Variants in DCC observed in about 807,000 individuals in gnomAD.
DCC encodes netrin receptor DCC.
Under a neutral mutation model 172.5 loss-of-function variants are expected in DCC, and 58 were observed. The ratio of observed to expected loss-of-function variants is 0.34; its 90% CI spans 0.27 to 0.42. The LOEUF is 0.42. Ranked by LOEUF, DCC falls within the 10% of genes least tolerant of loss-of-function variation. DCC has a pLI of 1.00. For missense variants in DCC, 1,740 were observed against 1,791.0 expected (o/e 0.97, Z 0.51); for synonymous variants, 709 against 644.5 (o/e 1.10, Z -1.52).
At chr18:52,932,309 C>T (rs1460987467) in intron 5 of DCC, among the ~76,000 whole-genome samples, 1 of 152,158 alleles carries the variant, frequency 6.6e-6, no homozygotes, top group Admixed American at 6.6e-5. Flanking sequence ...CCCAGCTCCA[C>T]ACAGGAAGAA....
At chr18:52,970,727 T>G (rs930947393) in intron 5 of DCC, among the ~76,000 whole-genome samples, 3 of 152,148 alleles carry the variant, frequency 2.0e-5, no homozygotes, top group Non-Finnish European at 4.4e-5. Context: ...ATAATTCCCT[T>G]TGGTATGCCA....
intron 1 of DCC, among the ~76,000 whole-genome samples, chr18:52,515,824 G>A (rs1175124072): frequency 6.7e-6 from 1 of 148,764 alleles, no homozygotes; most frequent in African/African-American, 2.5e-5. Flanking sequence ...CTACAGACTA[G>A]GAGAAAATGT....
chr18:53,130,092 C>T (rs1019164350), intron 7 of DCC, among the ~76,000 whole-genome samples: 4 of 151,992 alleles, frequency 2.6e-5, no homozygotes, highest in Non-Finnish European at 5.9e-5. Flanking sequence ...TTACTTTTTG[C>T]TTGTCTATTT....
At chr18:52,883,779 T>C (rs1460181726) in intron 2 of DCC, among the ~76,000 whole-genome samples, 1 of 152,068 alleles carries the variant, frequency 6.6e-6, no homozygotes, top group Non-Finnish European at 1.5e-5. Context: ...TGTTTTTCTG[T>C]GTGCTATTAT....
chr18:52,385,618 T>C (rs1985766868), intron 1 of DCC, among the ~76,000 whole-genome samples: 1 of 151,928 alleles, frequency 6.6e-6, no homozygotes, highest in African/African-American at 2.4e-5. Flanking sequence ...TGATTCTATA[T>C]AACCAATTGA....
intron 1 of DCC, among the ~76,000 whole-genome samples, chr18:52,496,762 G>A (rs1192251028): frequency 1.3e-5 from 2 of 151,922 alleles, no homozygotes; most frequent in African/African-American, 4.8e-5. Context: ...TAGCCTTTGG[G>A]GCTTTGACAG....
At chr18:53,009,440 G>A (rs1279256796) in intron 5 of DCC, among the ~76,000 whole-genome samples, 4 of 151,898 alleles carry the variant, frequency 2.6e-5, no homozygotes, top group South Asian at 2.1e-4. Context: ...CACTAAAACT[G>A]TGTCACTAAG....
At chr18:53,060,711 A>G (rs892109987) in intron 5 of DCC, among the ~76,000 whole-genome samples, 5 of 152,150 alleles carry the variant, frequency 3.3e-5, no homozygotes, top group African/African-American at 9.7e-5. Flanking sequence ...GGGATTCACT[A>G]CGTGATCAGC....
intron 7 of DCC, among the ~76,000 whole-genome samples, chr18:53,144,066 C>G (rs1318462502): frequency 6.6e-6 from 1 of 152,100 alleles, no homozygotes; most frequent in African/African-American, 2.4e-5. Context: ...CTATTATCAT[C>G]TTTTCTAACT....
chr18:52,482,460 T>C (rs1053843605), intron 1 of DCC, among the ~76,000 whole-genome samples: 5 of 152,292 alleles, frequency 3.3e-5, no homozygotes, highest in African/African-American at 9.6e-5. Flanking sequence ...TGTACTTCTC[T>C]AAGTTCTCGT....
intron 7 of DCC, among the ~76,000 whole-genome samples, chr18:53,141,375 A>C (rs771730354): frequency 2.6e-4 from 39 of 152,206 alleles, no homozygotes; most frequent in Admixed American, 2.6e-4. Flanking sequence ...AATATATGTA[A>C]AGTGAAATTT....
intron 5 of DCC, among the ~76,000 whole-genome samples, chr18:52,942,042 C>T (rs1301048343): frequency 2.0e-5 from 3 of 152,294 alleles, no homozygotes; most frequent in South Asian, 4.1e-4. Context: ...CTTGGCTTCC[C>T]AAAGTGCTGG....
chr18:52,477,115 C>T (rs1303162717), intron 1 of DCC, among the ~76,000 whole-genome samples: 1 of 152,196 alleles, frequency 6.6e-6, no homozygotes, highest in African/African-American at 2.4e-5. Context: ...TTTCCTCTCA[C>T]TGTGGGTCAA....
intron 7 of DCC, among the ~76,000 whole-genome samples, chr18:53,089,344 CCAA>C (rs1282812478): frequency 6.6e-6 from 1 of 152,068 alleles, no homozygotes. Context: ...CCTCGGCCTC[CCAA>C]AATGCTGGGA....
intron 9 of DCC, among the ~76,000 whole-genome samples, chr18:53,184,637 A>G (rs2055251201): frequency 6.6e-6 from 1 of 152,170 alleles, no homozygotes; most frequent in Admixed American, 6.5e-5. Flanking sequence ...CTAAACATAG[A>G]AAAGGTAATG....
intron 15 of DCC, among the ~76,000 whole-genome samples, chr18:53,358,918 A>G (rs72927255): frequency 4.6e-5 from 7 of 152,328 alleles, no homozygotes; most frequent in Non-Finnish European, 1.0e-4. Flanking sequence ...CATAGTTTCT[A>G]TAAGACCAGT....
At chr18:52,497,302 TATATATATATATAC>T (rs1322529114) in intron 1 of DCC, among the ~76,000 whole-genome samples, 3 of 83,278 alleles carry the variant, frequency 3.6e-5, no homozygotes, top group Non-Finnish European at 5.1e-5. Flanking sequence ...TATATATATA[TATATATATATATAC>T]ACACACACAT....
At chr18:52,917,116 C>CAAAAAAAAAAAAAAAGAAAATA in intron 3 of DCC, among the ~76,000 whole-genome samples, 1 of 82,426 alleles carries the variant, frequency 1.2e-5, no homozygotes, top group East Asian at 4.9e-4. Flanking sequence ...AACCCCGTCT[C>CAAAAAAAAAAAAAAAGAAAATA]AAAAAAAAAA....
At chr18:53,418,956 T>A (rs1436356974) in intron 21 of DCC, among the ~76,000 whole-genome samples, 2 of 152,166 alleles carry the variant, frequency 1.3e-5, no homozygotes, top group Non-Finnish European at 2.9e-5. Context: ...CTTTTTTGCA[T>A]CACCCTATCT....
Sources: allele counts gnomAD v4.1 joint callset (sites outside exome capture counted in the v4.1 genomes callset), GRCh38; gene constraint gnomAD v4.1.1; transcripts MANE v1.5; gene names NCBI Gene and HGNC (gene_info 2026-07-23, HGNC 2026-07-21).